Variants in TNNI3K observed in about 807,000 individuals in gnomAD.
TNNI3K encodes the protein TNNI3 interacting kinase.
A neutral mutation model predicts 114.5 loss-of-function variants in TNNI3K; 140 were observed. The ratio of observed to expected loss-of-function variants is 1.22; its 90% CI spans 1.07 to 1.41. TNNI3K has a LOEUF of 1.41. Among genes scored for constraint, TNNI3K ranks in the 40% most tolerant of loss-of-function variants. The probability of loss-of-function intolerance (pLI) is 0.00; values close to 1 mark genes in which losing one functional copy is unlikely to be tolerated. For synonymous variants in TNNI3K, 347 were observed against 347.5 expected (o/e 1.00, Z 0.02); for missense variants, 1,125 against 1,007.6 (o/e 1.12, Z -1.58).
Position 74,321,107 on chromosome 1 carries a change from A to G in TNNI3K, c.445-10343A>G, listed in dbSNP as rs80064482. 7.2e-5 allele frequency among the ~76,000 whole-genome samples: 11 copies of G among 152,310 alleles called. No individual in the cohort carries two copies. In the East Asian group the frequency reaches 1.9e-3, roughly 27 times the overall value. Reference sequence around the variant, plus strand: ...CTAAAACAGAATTTTGGCTTTTAAAATGCATAGAACATGATGTGGTCATAG... The same window carrying G: ...CTAAAACAGAATTTTGGCTTTTAAAGTGCATAGAACATGATGTGGTCATAG... On this transcript the variant is annotated intron_variant, in intron 5 of 24. Transcript: ENST00000326637.
At chr1:74,408,738 A>G (rs1664739815) in intron 17 of TNNI3K, among the ~76,000 whole-genome samples, 1 of 152,234 alleles carries the variant, frequency 6.6e-6, no homozygotes, top group Non-Finnish European at 1.5e-5. Flanking sequence ...TTTAAAAAGC[A>G]AAAGTCCCTG....
At chr1:74,543,548 G>C (rs894211032) in intron 24 of TNNI3K, among the ~76,000 whole-genome samples, 7 of 152,170 alleles carry the variant, frequency 4.6e-5, no homozygotes, top group African/African-American at 1.4e-4. Flanking sequence ...AAAAGTCACA[G>C]AGTCAGCAAG....
At chr1:74,355,131 CATTTTAATTGTT>C (rs1661583222) in intron 11 of TNNI3K, among the ~76,000 whole-genome samples, 1 of 152,118 alleles carries the variant, frequency 6.6e-6, no homozygotes, top group Admixed American at 6.5e-5. Flanking sequence ...TTTAAAGTCA[CATTTTAATTGTT>C]ATTTTAACTT....
chr1:74,525,179 G>A (rs1477651202), intron 23 of TNNI3K, among the ~76,000 whole-genome samples: 2 of 151,954 alleles, frequency 1.3e-5, no homozygotes, highest in African/African-American at 2.4e-5. Context: ...AAGAGGGGAA[G>A]GAAAGAATGC....
intron 17 of TNNI3K, among the ~76,000 whole-genome samples, chr1:74,427,667 T>C (rs1156621663): frequency 6.6e-6 from 1 of 152,176 alleles, no homozygotes; most frequent in Non-Finnish European, 1.5e-5. Context: ...TCCTGTGTTG[T>C]TACCTTGATC....
At chr1:74,344,176 T>C (rs996754027) in intron 9 of TNNI3K, among the ~76,000 whole-genome samples, 1 of 152,192 alleles carries the variant, frequency 6.6e-6, no homozygotes, top group African/African-American at 2.4e-5. Flanking sequence ...TTCACATACA[T>C]TTCCAGATTT....
At chr1:74,367,382 T>C (rs1386204415) in intron 12 of TNNI3K, 40 bp downstream of exon 12, 2 of 1,601,992 alleles carry the variant, frequency 1.2e-6, no homozygotes, top group South Asian at 1.1e-5. Context: ...TTGTATAATA[T>C]ATTGTGCCTA....
intron 5 of TNNI3K, among the ~76,000 whole-genome samples, chr1:74,302,309 T>A (rs1658375067): frequency 6.6e-6 from 1 of 152,232 alleles, no homozygotes; most frequent in Non-Finnish European, 1.5e-5. Flanking sequence ...TCCTTGGGCC[T>A]ACCTATTCCC....
At chr1:74,301,024 A>G (rs886667440) in intron 5 of TNNI3K, among the ~76,000 whole-genome samples, 1 of 152,186 alleles carries the variant, frequency 6.6e-6, no homozygotes, top group Non-Finnish European at 1.5e-5. Context: ...GTGCATTTCT[A>G]TGGAGAGATA....
chr1:74,327,904 A>T (rs1247756025), intron 5 of TNNI3K, among the ~76,000 whole-genome samples: 1 of 151,262 alleles, frequency 6.6e-6, no homozygotes, highest in Non-Finnish European at 1.5e-5. Context: ...TGAGAAAAAA[A>T]ATCATGACCA....
intron 21 of TNNI3K, among the ~76,000 whole-genome samples, chr1:74,465,621 G>A (rs538378581): frequency 6.6e-5 from 10 of 152,298 alleles, no homozygotes; most frequent in African/African-American, 1.2e-4. Flanking sequence ...CCCACCGACC[G>A]CCCAAAGGCT....
chr1:74,396,765 A>C (rs1664103498), intron 17 of TNNI3K, among the ~76,000 whole-genome samples: 1 of 152,208 alleles, frequency 6.6e-6, no homozygotes, highest in African/African-American at 2.4e-5. Flanking sequence ...TCCCAAAAGC[A>C]TTTGAGAACC....
At chr1:74,363,644 C>T (rs1557521700) in intron 11 of TNNI3K, among the ~76,000 whole-genome samples, 2 of 151,878 alleles carry the variant, frequency 1.3e-5, no homozygotes, top group African/African-American at 2.4e-5. Flanking sequence ...ATCTGTCAGC[C>T]GATGTCAATT....
chr1:74,252,012 G>C (rs1404630084), intron 4 of TNNI3K, among the ~76,000 whole-genome samples: 1 of 152,168 alleles, frequency 6.6e-6, no homozygotes, highest in Non-Finnish European at 1.5e-5. Flanking sequence ...TCTTCTGAAA[G>C]GCAGGAGGTG....
intron 13 of TNNI3K, 52 bp downstream of exon 13, chr1:74,368,016 G>C: frequency 6.8e-7 from 1 of 1,467,756 alleles, no homozygotes; most frequent in South Asian, 1.4e-5. Context: ...GATAACTATT[G>C]CTTCAAATGT....
intron 5 of TNNI3K, among the ~76,000 whole-genome samples, chr1:74,314,406 G>GTTTGTAT (rs1659182448): frequency 6.6e-6 from 1 of 151,712 alleles, no homozygotes; most frequent in African/African-American, 2.4e-5. Context: ...AAATAAAGTC[G>GTTTGTAT]CTTTCTTTGT....
chr1:74,445,791 T>C (rs1002164065), intron 20 of TNNI3K, among the ~76,000 whole-genome samples: 2 of 151,868 alleles, frequency 1.3e-5, no homozygotes, highest in African/African-American at 4.8e-5. Flanking sequence ...TTTGTATTTT[T>C]AGTAGAGACG....
chr1:74,519,914 C>T (rs1325098406), intron 23 of TNNI3K, among the ~76,000 whole-genome samples: 1 of 152,098 alleles, frequency 6.6e-6, no homozygotes, highest in Non-Finnish European at 1.5e-5. Flanking sequence ...GCTCTGGATG[C>T]CCTGACTGGA....
chr1:74,296,511 T>C (rs1028122222), intron 5 of TNNI3K, among the ~76,000 whole-genome samples: 1 of 152,178 alleles, frequency 6.6e-6, no homozygotes, highest in African/African-American at 2.4e-5. Flanking sequence ...TCCATAGCTA[T>C]TTATTCCATT....
Sources: allele counts gnomAD v4.1 joint callset (sites outside exome capture counted in the v4.1 genomes callset), GRCh38; gene constraint gnomAD v4.1.1; transcripts MANE v1.5; gene names NCBI Gene and HGNC (gene_info 2026-07-23, HGNC 2026-07-21).